Variants in CEP41 observed in about 807,000 individuals in gnomAD.
The protein encoded by CEP41 is centrosomal protein 41.
CEP41 carries 32 observed loss-of-function variants against 44.3 expected under a neutral mutation model. That is an observed-to-expected ratio of 0.72 (90% CI 0.54 to 0.97). The LOEUF is 0.97. CEP41 is among the 50% of genes least tolerant of loss of function. The pLI, the probability that CEP41 is intolerant of heterozygous loss-of-function variation, is 0.00. For missense variants in CEP41, 432 were observed against 455.2 expected, an observed-to-expected ratio of 0.95 and a Z score of 0.46; for synonymous variants, 151 against 168.5, an observed-to-expected ratio of 0.90 and a Z score of 0.80.
At chr7:130,431,770 C>T (rs879992444) in intron 1 of CEP41, among the ~76,000 whole-genome samples, 2 of 152,118 alleles carry the variant, frequency 1.3e-5, no homozygotes, top group South Asian at 2.1e-4. Context: ...TGGAGCATAG[C>T]GGGAAATACG....
Position 130,398,726 on chromosome 7 carries a change from T to C in CEP41, c.*165A>G. The C allele has an allele frequency of 1.1e-6, 1 of 880,514 alleles. No individual in the cohort carries two copies. 54.5% of individuals were successfully genotyped at this position (880,514 alleles called of 1,614,324 possible). A position where few individuals can be genotyped will look rare whatever the true frequency, so the allele number is the denominator to read the frequency against. On this transcript the variant is annotated 3_prime_UTR_variant, in exon 11 of 11. Coordinates refer to ENST00000223208, the MANE Select transcript of CEP41 (RefSeq NM_018718.3). ...TGTCAAAATCCTTCCTGAGGTGGCC[T>C]CCTGAGGGGAGAGGAACTGGAGACA...
chr7:130,431,250 T>G (rs914057370), intron 1 of CEP41, among the ~76,000 whole-genome samples: 17 of 152,210 alleles, frequency 1.1e-4, no homozygotes, highest in Non-Finnish European at 1.6e-4. Flanking sequence ...CAACTGGCTT[T>G]CTTTCAATTA....
intron 3 of CEP41, among the ~76,000 whole-genome samples, chr7:130,414,829 C>T (rs141108732): frequency 1.1e-3 from 169 of 152,344 alleles, no homozygotes; most frequent in African/African-American, 3.8e-3. Context: ...CTCGCAAGAG[C>T]GAACAGAGCT....
chr7:130,394,069 G>T lies in CEP41; in HGVS notation c.*4822C>A. ...GGAGGAAAGTTTTCAAAAGAATCTC[G>T]GCTGACTAGGAGGGAAGGGAAGCCA... is the stretch of plus-strand genomic sequence containing the variant. On this transcript the variant is annotated 3_prime_UTR_variant, in exon 11 of 11. Transcript: ENST00000223208. The T allele has an allele frequency of 2.2e-6, 1 of 454,028 alleles. No homozygotes were observed. The highest frequency in any genetic ancestry group is 4.4e-6 in the Non-Finnish European group (1 of 226,780). 28.1% of individuals were successfully genotyped at this position (454,028 alleles called of 1,614,324 possible).
chr7:130,438,289 G>A (rs1554426692), intron 1 of CEP41, among the ~76,000 whole-genome samples: 2 of 152,178 alleles, frequency 1.3e-5, no homozygotes, highest in African/African-American at 4.8e-5. Context: ...AGGGCGCGGT[G>A]GCTCATGCCT....
Position 130,397,505 on chromosome 7 carries a change from CATTTTTT to C in CEP41, c.*1379_*1385del. The C allele has an allele frequency of 2.7e-6, 1 of 371,204 alleles. No homozygotes were observed. Among genetic ancestry groups the C allele is most frequent in the Non-Finnish European group, 5.0e-6 (1 of 199,066 alleles). 23.0% of individuals were successfully genotyped at this position (371,204 alleles called of 1,614,324 possible). On this transcript the variant is annotated 3_prime_UTR_variant, in exon 11 of 11. Coordinates refer to ENST00000223208, the MANE Select transcript of CEP41 (RefSeq NM_018718.3). ...CCCCCATGCTAGAAATACTGTGGTG[CATTTTTT>C]TTTTTTTTTTTTTTTTTTTTTGGTG...
chr7:130,420,854 C>T, intron 2 of CEP41: 1 of 878,094 alleles, frequency 1.1e-6, no homozygotes, highest in Non-Finnish European at 1.4e-6. Flanking sequence ...CTGAAAAATC[C>T]TTATAATGAG....
chr7:130,411,061 GGTGA>G, intron 5 of CEP41, 57 bp downstream of exon 5: 1 of 1,385,152 alleles, frequency 7.2e-7, no homozygotes, highest in South Asian at 1.2e-5. Context: ...ATGTGTACAG[GGTGA>G]GTGTTTCAGT....
At chr7:130,406,538 C>T (rs1048161218) in intron 5 of CEP41, among the ~76,000 whole-genome samples, 13 of 151,960 alleles carry the variant, frequency 8.6e-5, no homozygotes, top group African/African-American at 2.4e-4. Context: ...GAGCTGAGAT[C>T]GTGCCACTGC....
intron 1 of CEP41, among the ~76,000 whole-genome samples, chr7:130,432,865 C>A (rs1797863741): frequency 6.6e-6 from 1 of 152,080 alleles, no homozygotes; most frequent in Non-Finnish European, 1.5e-5. Flanking sequence ...GAGTTGTCAG[C>A]CTACAGGCAG....
chr7:130,422,418 C>T (rs149985117), intron 2 of CEP41, among the ~76,000 whole-genome samples: 20 of 152,232 alleles, frequency 1.3e-4, no homozygotes, highest in Admixed American at 1.2e-3. Context: ...AACTCCTCAC[C>T]CTTTTCACCT....
rs782016150 is a variant in CEP41, at chr7:130,394,654, A to G, written c.*4237T>C. ...CAAAGGCAGGATACACAAGGGGGAC[A>G]GAAGATAACGAGCTTTCTGGGTCTC... is the stretch of plus-strand genomic sequence containing the variant. On this transcript the variant is annotated 3_prime_UTR_variant, in exon 11 of 11. Transcript: ENST00000223208. 1.1e-5 allele frequency: 5 copies of G among 454,104 alleles called. No homozygotes were observed. The highest frequency in any genetic ancestry group is 6.2e-5 in the South Asian group (4 of 64,480). The allele number at this position is 454,104 out of a possible 1,614,324, so 28.1% of individuals were successfully genotyped here.
At chr7:130,404,838 G>A (rs1360925258) in intron 5 of CEP41, 130 bp from the exon 6 acceptor site, 17 of 806,918 alleles carry the variant, frequency 2.1e-5, no homozygotes, top group Non-Finnish European at 3.5e-5. Flanking sequence ...AAGTGCTAAC[G>A]TACAAGTTCC....
At chr7:130,438,310 C>A (rs534976900) in intron 1 of CEP41, among the ~76,000 whole-genome samples, 1 of 152,272 alleles carries the variant, frequency 6.6e-6, no homozygotes, top group Non-Finnish European at 1.5e-5. Flanking sequence ...GTAATACCAG[C>A]ACTTTGGGAG....
intron 5 of CEP41, among the ~76,000 whole-genome samples, chr7:130,407,353 TATACCC>T (rs1461445360): frequency 2.0e-5 from 3 of 151,992 alleles, no homozygotes; most frequent in Admixed American, 6.6e-5. Context: ...GGAAGCAATA[TATACCC>T]ATGGGTTTTT....
At chr7:130,421,727 A>G in intron 2 of CEP41, 2 of 1,182,416 alleles carry the variant, frequency 1.7e-6, no homozygotes, top group Non-Finnish European at 2.1e-6. Context: ...TCAGAAAGCT[A>G]AAGAAATTGG....
intron 2 of CEP41, among the ~76,000 whole-genome samples, chr7:130,426,047 G>A (rs1562992971): frequency 6.6e-6 from 1 of 152,238 alleles, no homozygotes; most frequent in Admixed American, 6.5e-5. Context: ...TCCGTGTGGT[G>A]ATGGAAACGT....
Position 130,427,969 on chromosome 7 carries a change from G to A in CEP41, c.83C>T (p.Ser28Leu), listed in dbSNP as rs1584901211. 3.1e-6 allele frequency: 5 copies of A among 1,605,340 alleles called. No homozygotes were observed. Among genetic ancestry groups the A allele is most frequent in the Non-Finnish European group, 3.4e-6 (4 of 1,172,514 alleles). ...TCTTTACTCACCAGTGTCCAGTCTT[G>A]ATTTGATATGCTGGTATCTTGGGTT... Reference protein sequence around the residue: ...PQNPRYQHIKSRLDTGNSMTK... With the variant: ...PQNPRYQHIKLRLDTGNSMTK... The change falls in exon 2 of 11, where the codon TCA becomes TTA. Residue 28 changes from serine (S) to leucine (L), a missense_variant. Physicochemically the swap from Ser to Leu is moderately radical, Grantham distance 145. Coordinates refer to ENST00000223208, the MANE Select transcript of CEP41 (RefSeq NM_018718.3).
In CEP41 at chr7:130,408,963, T is replaced by C. The variant is rs1797094084; in HGVS notation, c.277+2159A>G. Among the ~76,000 whole-genome samples the C allele has an allele frequency of 2.0e-5, 3 of 152,190 alleles. No homozygotes were observed. In the South Asian group the frequency reaches 6.2e-4, roughly 32 times the overall value. ...AAAGCGATAATTGAAAACAGCACAA[T>C]ACAAAATTATATACAAAGAATATAG... is the stretch of plus-strand genomic sequence containing the variant. On this transcript the variant is annotated intron_variant, in intron 5 of 10. Coordinates refer to ENST00000223208, the MANE Select transcript of CEP41 (RefSeq NM_018718.3).
Sources: gnomAD v4.1 joint callset for allele counts (sites outside exome capture counted in the v4.1 genomes callset) on GRCh38, gnomAD v4.1.1 for gene constraint, MANE v1.5 for transcripts, NCBI Gene and HGNC (gene_info 2026-07-23, HGNC 2026-07-21) for gene names.